LPL: variants seen among roughly 807,000 people sequenced by gnomAD.
LPL encodes lipoprotein lipase, also known as phospholipase A1.
In LPL, 43 loss-of-function variants were observed where a neutral mutation model predicts 52.2. The observed-to-expected ratio is 0.82, with a 90% CI of 0.64 to 1.06. The LOEUF (loss-of-function observed/expected upper bound fraction) is 1.06, where lower values mean the gene tolerates loss of function less well. Ranked by LOEUF, LPL falls within the 50% of genes least tolerant of loss-of-function variation. The pLI, the probability that LPL is intolerant of heterozygous loss-of-function variation, is 0.00. For missense variants in LPL, 639 were observed against 585.3 expected (o/e 1.09, Z -0.95); for synonymous variants, 244 against 215.6 (o/e 1.13, Z -1.15).
rs544733083 is a variant in LPL, at chr8:19,964,065, G to A, written c.*-1245G>A. On this transcript the variant is annotated intron_variant, in intron 9 of 9. Transcript: ENST00000650287. ...CCTCCTGGGTTCAAGCAATTCTCCT[G>A]CCTCAGCCTCCCAAGTAGCTGGGAT... Among the ~76,000 whole-genome samples the A allele has an allele frequency of 4.7e-3, 717 of 151,954 alleles. 9 individuals carry two copies. The highest frequency in any genetic ancestry group is 0.016 in the African/African-American group (655 of 41,388).
In LPL at chr8:19,950,736, G is replaced by A. The variant is rs1278274419; in HGVS notation, c.250-1033G>A. 1.3e-5 allele frequency among the ~76,000 whole-genome samples: 2 copies of A among 152,048 alleles called. No homozygotes were observed. Among genetic ancestry groups the A allele is most frequent in the African/African-American group, 2.4e-5 (1 of 41,406 alleles). On this transcript the variant is annotated intron_variant, in intron 2 of 9. Coordinates refer to ENST00000650287, the MANE Select transcript of LPL (RefSeq NM_000237.3). This position sits in a 1 kb window ranked among gnomAD's most constrained non-coding sequence, Gnocchi z 4.2. ...GGAGAATCGCTTGAACCAAGGAGGC[G>A]GAGGTTGCACTGAGCTGAGATCATG...
intron 1 of LPL, among the ~76,000 whole-genome samples, chr8:19,941,604 A>C (rs2069839377): frequency 6.6e-6 from 1 of 152,204 alleles, no homozygotes; most frequent in African/African-American, 2.4e-5. Flanking sequence ...TTAAGGAAGG[A>C]TTATTTCCAA....
chr8:19,958,176 G>A (rs569502232), intron 6 of LPL, among the ~76,000 whole-genome samples: 17 of 151,908 alleles, frequency 1.1e-4, no homozygotes, highest in African/African-American at 3.9e-4. Context: ...CCGCCACCAC[G>A]CCCAACTAAT....
chr8:19,943,063 G>C (rs1355691605), intron 1 of LPL, among the ~76,000 whole-genome samples: 1 of 152,204 alleles, frequency 6.6e-6, no homozygotes, highest in Non-Finnish European at 1.5e-5. Context: ...AGATGACCCA[G>C]TTGGCGTGGC....
At chr8:19,943,011 C>T (rs193183185) in intron 1 of LPL, among the ~76,000 whole-genome samples, 3 of 152,246 alleles carry the variant, frequency 2.0e-5, no homozygotes, top group Admixed American at 6.5e-5. Flanking sequence ...AATGAATAAA[C>T]GAAAACGTCT....
intron 6 of LPL, among the ~76,000 whole-genome samples, chr8:19,956,627 C>T (rs1226847460): frequency 1.3e-5 from 2 of 152,092 alleles, no homozygotes; most frequent in African/African-American, 2.4e-5. Flanking sequence ...TGGGAGGCCC[C>T]AGTGTCTGTT....
intron 1 of LPL, among the ~76,000 whole-genome samples, chr8:19,942,185 T>A (rs2069846782): frequency 6.6e-6 from 1 of 152,198 alleles, no homozygotes; most frequent in African/African-American, 2.4e-5. Flanking sequence ...CAGCTTTCTG[T>A]TCTTGCTTTA....
chr8:19,939,553 T>A lies in LPL; in HGVS notation c.88+25T>A, dbSNP rs113086011. On this transcript the variant is annotated intron_variant, in intron 1 of 9. Coordinates refer to ENST00000650287, the MANE Select transcript of LPL (RefSeq NM_000237.3). The surrounding 1 kb of genome is among the most constrained non-coding windows in gnomAD (Gnocchi z 4.0). The stretch of plus-strand genomic sequence containing the variant: ...CGTAAGTTTTGCGCGCAAACTCCCC[T>A]CCACCTGCAGACCCGGCGGGTGGCC... The A allele has an allele frequency of 1.0e-4, 163 of 1,596,664 alleles. 1 individual carries two copies. In the African/African-American group the frequency reaches 1.9e-3, roughly 19 times the overall value.
chr8:19,945,566 G>C (rs548898588), intron 1 of LPL, among the ~76,000 whole-genome samples: 1 of 152,218 alleles, frequency 6.6e-6, no homozygotes, highest in Non-Finnish European at 1.5e-5. Flanking sequence ...ACCCAACAGA[G>C]GGAAATTGGA....
At chr8:19,946,799 A>C (rs2069885413) in intron 1 of LPL, 1 of 153,854 alleles carries the variant, frequency 6.5e-6, no homozygotes, top group South Asian at 2.0e-4. Context: ...TGCTTCATGA[A>C]GTCTGATTTT....
At chr8:19,947,357 T>A (rs2069890171) in intron 1 of LPL, among the ~76,000 whole-genome samples, 1 of 151,614 alleles carries the variant, frequency 6.6e-6, no homozygotes, top group Admixed American at 6.6e-5. Flanking sequence ...ATCCAAAAAT[T>A]AACCAGGCCC....
intron 6 of LPL, among the ~76,000 whole-genome samples, chr8:19,957,012 G>A (rs278): frequency 0.15 from 22,728 of 151,948 alleles, 1,925 homozygotes; most frequent in Non-Finnish European, 0.18. Context: ...TTAGTAGAGA[G>A]GGGGTTTCAC....
At position 19,965,299 on chromosome 8, in the gene LPL, C is replaced by T. The variant is rs11570891; in HGVS notation, c.*-11C>T. ...ATAATAAATTGCCCTTTTTCCTGTG[C>T]TTTTTCTCAGAAACTGGGCGAATCT... On this transcript the variant is annotated splice_polypyrimidine_tract_variant and intron_variant, in intron 9 of 9. Coordinates refer to ENST00000650287, the MANE Select transcript of LPL (RefSeq NM_000237.3). 77,016 of 780,010 alleles carry T rather than the reference C, an allele frequency of 0.099. 4,054 individuals carry two copies. Among genetic ancestry groups the T allele is most frequent in the East Asian group, 0.12 (4,985 of 41,200 alleles). 48.3% of individuals were successfully genotyped at this position (780,010 alleles called of 1,614,324 possible).
chr8:19,960,792 A>G, intron 7 of LPL, 109 bp from the exon 8 acceptor site: 1 of 783,758 alleles, frequency 1.3e-6, no homozygotes, highest in Non-Finnish European at 2.2e-6. Flanking sequence ...GCATTTTTAA[A>G]ATATCCCCTA....
chr8:19,965,298 G>GT lies in LPL; in HGVS notation c.*-12_*-11insT, dbSNP rs778049037. 7.7e-6 allele frequency: 6 copies of GT among 780,466 alleles called. No homozygotes were observed. Among genetic ancestry groups the GT allele is most frequent in the Non-Finnish European group, 1.4e-5 (6 of 417,902 alleles). The allele number at this position is 780,466 out of a possible 1,614,324, so 48.3% of individuals were successfully genotyped here. A position where few individuals can be genotyped will look rare whatever the true frequency, so the allele number is the denominator to read the frequency against. ...GATAATAAATTGCCCTTTTTCCTGT[G>GT]CTTTTTCTCAGAAACTGGGCGAATC... On this transcript the variant is annotated splice_polypyrimidine_tract_variant and intron_variant, in intron 9 of 9. Coordinates refer to ENST00000650287, the MANE Select transcript of LPL (RefSeq NM_000237.3).
chr8:19,945,941 G>C (rs1040433691), intron 1 of LPL, among the ~76,000 whole-genome samples: 8 of 152,186 alleles, frequency 5.3e-5, no homozygotes, highest in African/African-American at 1.9e-4. Context: ...GGAAAGGTGT[G>C]GGAGAGGGTG....
At chr8:19,948,044 C>T (rs2128836946) in intron 1 of LPL, 136 bp from the exon 2 acceptor site, 1 of 840,464 alleles carries the variant, frequency 1.2e-6, no homozygotes. Context: ...TCTTGCAATC[C>T]ACATTCGTTT....
chr8:19,954,099 C>A, intron 4 of LPL, 21 bp from the exon 5 acceptor site: 2 of 1,556,866 alleles, frequency 1.3e-6, no homozygotes, highest in Non-Finnish European at 1.8e-6. Flanking sequence ...AATCTGTGTT[C>A]CTGCTTTTTT....
intron 5 of LPL, among the ~76,000 whole-genome samples, chr8:19,954,811 T>G (rs2069969563): frequency 6.6e-6 from 1 of 152,238 alleles, no homozygotes; most frequent in South Asian, 2.1e-4. Flanking sequence ...TAGCTTGTGT[T>G]AAATTTATGA....
Sources: allele counts gnomAD v4.1 joint callset (sites outside exome capture counted in the v4.1 genomes callset), GRCh38; gene constraint gnomAD v4.1.1; non-coding constraint Gnocchi (gnomAD v3.1); transcripts MANE v1.5; gene names NCBI Gene and HGNC (gene_info 2026-07-23, HGNC 2026-07-21).